PCDH1: variants seen among roughly 807,000 people sequenced by gnomAD.
PCDH1 encodes protocadherin 1, also known as protocadherin-1.
In PCDH1, 23 loss-of-function variants were observed where a neutral mutation model predicts 74.6. The ratio of observed to expected loss-of-function variants is 0.31; its 90% CI spans 0.22 to 0.44. The LOEUF (loss-of-function observed/expected upper bound fraction) is 0.44. Among genes scored for constraint, PCDH1 ranks in the 20% least tolerant of loss-of-function variants. The pLI is 1.00. For missense variants in PCDH1, 1,214 were observed against 1,641.4 expected (o/e 0.74, Z 4.50); for synonymous variants, 647 against 686.1 (o/e 0.94, Z 0.89).
intron 3 of PCDH1, among the ~76,000 whole-genome samples, chr5:141,858,428 AG>A (rs1453673295): frequency 6.6e-6 from 1 of 152,202 alleles, no homozygotes; most frequent in African/African-American, 2.4e-5. Context: ...CTGGTCTCAA[AG>A]GGAGACTCCT....
In PCDH1 at chr5:141,857,512, C is replaced by T. The variant is rs772509065; in HGVS notation, c.3100-41G>A. ...TTGTCACTACTGACCAGCCAGCTTG[C>T]CCACAGGGCCCACCACCATACCAGG... On this transcript the variant is annotated intron_variant, in intron 3 of 4. Coordinates refer to ENST00000287008, the MANE Select transcript of PCDH1 (RefSeq NM_032420.5). 18 of 1,542,520 alleles carry T rather than the reference C, an allele frequency of 1.2e-5. No homozygotes were observed. The Admixed American group carries it at 2.9e-4, about 25-fold the overall frequency.
Position 141,868,673 on chromosome 5 carries a change from G to A in PCDH1, c.799C>T (p.Arg267Cys), listed in dbSNP as rs139217153. ...SPPRASSALL[R>C]VTVLDTNDNA... Reference sequence around the variant, plus strand: ...TCATTGGTGTCAAGCACGGTGACACGCAGCAGGGCACTGCTGGCGCGTGGG... The same window carrying A: ...TCATTGGTGTCAAGCACGGTGACACACAGCAGGGCACTGCTGGCGCGTGGG... Residue 267 changes from arginine to cysteine, a missense_variant, in exon 2 of 5, where the codon CGT (arginine) becomes TGT (cysteine). This residue lies in a region of PCDH1 where 836 missense variants were observed against 1,182.2 expected (regional missense o/e 0.71). Transcript: ENST00000287008. This position sits in a 1 kb window ranked among gnomAD's most constrained non-coding sequence, Gnocchi z 4.8. The A allele has an allele frequency of 1.2e-6, 2 of 1,611,452 alleles. No homozygotes were observed. Among genetic ancestry groups the A allele is most frequent in the Non-Finnish European group, 1.7e-6 (2 of 1,178,392 alleles).
In PCDH1 at chr5:141,865,008, C is replaced by G; in HGVS notation, c.1323G>C (p.Gln441His). ...TCVVAGDVPF[Q>H]LRQASETGSD... ...TGCCTGTCTCACTGGCCTGGCGCAG[C>G]TGGAAGGGCACATCACCTGCCACCA... The change falls in exon 3 of 5, where the codon CAG becomes CAC. Residue 441 changes from glutamine to histidine, a missense_variant. Gln to His is a conservative substitution (Grantham distance 24, BLOSUM62 0). Coordinates refer to ENST00000287008, the MANE Select transcript of PCDH1 (RefSeq NM_032420.5). This position sits in a 1 kb window ranked among gnomAD's most constrained non-coding sequence, Gnocchi z 4.4. 1 of 1,614,120 alleles carries G rather than the reference C, an allele frequency of 6.2e-7. No homozygotes were observed. Among genetic ancestry groups the G allele is most frequent in the Non-Finnish European group, 8.5e-7 (1 of 1,180,024 alleles).
intron 4 of PCDH1, 122 bp from the exon 5 acceptor site, chr5:141,854,558 C>T (rs199734340): frequency 1.4e-4 from 142 of 1,004,758 alleles, no homozygotes; most frequent in East Asian, 1.4e-3. Flanking sequence ...CCTTCCTGAC[C>T]GCTGAACTCA....
chr5:141,861,218 C>CAAG, intron 3 of PCDH1, among the ~76,000 whole-genome samples: 2 of 151,466 alleles, frequency 1.3e-5, no homozygotes, highest in South Asian at 4.2e-4. Context: ...TCATTCGACT[C>CAAG]AAGACACTCA....
intron 1 of PCDH1, among the ~76,000 whole-genome samples, chr5:141,874,081 T>C (rs988830307): frequency 2.6e-5 from 4 of 152,210 alleles, no homozygotes; most frequent in African/African-American, 9.7e-5. Flanking sequence ...ATTCCTGTTA[T>C]GTCACACCCG....
intron 1 of PCDH1, among the ~76,000 whole-genome samples, chr5:141,872,839 A>T (rs908721997): frequency 6.6e-6 from 1 of 152,194 alleles, no homozygotes; most frequent in African/African-American, 2.4e-5. Flanking sequence ...CAAGGAAGGT[A>T]TGGGATGGCG....
At chr5:141,873,661 T>C (rs945313921) in intron 1 of PCDH1, among the ~76,000 whole-genome samples, 2 of 150,414 alleles carry the variant, frequency 1.3e-5, no homozygotes, top group African/African-American at 4.9e-5. Flanking sequence ...GGTTTCACCG[T>C]GTTAGCCAGG....
intron 1 of PCDH1, among the ~76,000 whole-genome samples, chr5:141,870,444 C>T (rs896790977): frequency 2.0e-5 from 3 of 152,164 alleles, no homozygotes; most frequent in Non-Finnish European, 2.9e-5. Flanking sequence ...TGGGAGCTGC[C>T]CTGGCCTGTC....
chr5:141,875,374 C>G (rs1753196305), intron 1 of PCDH1, among the ~76,000 whole-genome samples: 1 of 152,062 alleles, frequency 6.6e-6, no homozygotes, highest in Non-Finnish European at 1.5e-5. Flanking sequence ...CACCATGGAC[C>G]CTGGCAGATA....
Position 141,857,253 on chromosome 5 carries a change from A to T in PCDH1, c.3318T>A (p.Asn1106Lys). 1 of 1,568,488 alleles carries T rather than the reference A, an allele frequency of 6.4e-7. No homozygotes were observed. The highest frequency in any genetic ancestry group is 8.6e-7 in the Non-Finnish European group (1 of 1,158,984). ...CCTGACCATGGTGCTGCGCCTCACCATTCTCGGGGTGCTCCATCTCTCCTA... is the reference window on the plus strand; with the variant it reads ...CCTGACCATGGTGCTGCGCCTCACCTTTCTCGGGGTGCTCCATCTCTCCTA... ...GSIGEMEHPE[N>K]DLRPLPDVAM... Residue 1106 changes from asparagine to lysine, a missense_variant and splice_region_variant, in exon 4 of 5, where the codon AAT becomes AAA. Around this residue, in one of 4 missense-constraint regions of PCDH1, gnomAD observed 194 missense variants for 198.3 expected, o/e 0.98. Coordinates refer to ENST00000287008, the MANE Select transcript of PCDH1 (RefSeq NM_032420.5).
chr5:141,871,429 G>A lies in PCDH1; in HGVS notation c.41-1998C>T, dbSNP rs182053441. Among the ~76,000 whole-genome samples the A allele has an allele frequency of 2.8e-3, 429 of 152,354 alleles. 5 individuals carry two copies. Among genetic ancestry groups the A allele is most frequent in the African/African-American group, 9.6e-3 (398 of 41,592 alleles). Reference sequence around the variant, plus strand: ...GGCGAATGTAAGGCAGCAGGGTGGAGAAGAGCGAGGGTTGTGGCATTAGAC... The same window carrying A: ...GGCGAATGTAAGGCAGCAGGGTGGAAAAGAGCGAGGGTTGTGGCATTAGAC... On this transcript the variant is annotated intron_variant, in intron 1 of 4. Coordinates refer to ENST00000287008, the MANE Select transcript of PCDH1 (RefSeq NM_032420.5).
At position 141,869,365 on chromosome 5, in the gene PCDH1, C is replaced by A. The variant is rs538908747; in HGVS notation, c.107G>T (p.Arg36Leu). The A allele has an allele frequency of 5.6e-6, 9 of 1,596,922 alleles. No homozygotes were observed. In the African/African-American group the frequency reaches 1.1e-4, roughly 19 times the overall value. ...LRHSPGPGGQ[R>L]LLLPSMLLAL... ...TAGCAGCATGGAGGGCAGCAGTAGCCGTTGCCCCCCAGGGCCTGGGCTGTG... is the reference window on the plus strand; with the variant it reads ...TAGCAGCATGGAGGGCAGCAGTAGCAGTTGCCCCCCAGGGCCTGGGCTGTG... Residue 36 changes from arginine to leucine, a missense_variant, in exon 2 of 5, where the codon CGG becomes CTG. Physicochemically the swap from Arg to Leu is moderately radical, Grantham distance 102. Coordinates refer to ENST00000287008, the MANE Select transcript of PCDH1 (RefSeq NM_032420.5). The surrounding 1 kb of genome is among the most constrained non-coding windows in gnomAD (Gnocchi z 4.9).
chr5:141,877,844 G>C (rs949523409), intron 1 of PCDH1, among the ~76,000 whole-genome samples: 4 of 152,188 alleles, frequency 2.6e-5, no homozygotes, highest in South Asian at 2.1e-4. Flanking sequence ...AACGGTCCTT[G>C]CTTGCTCCGT....
intron 2 of PCDH1, among the ~76,000 whole-genome samples, chr5:141,866,441 G>A (rs566633453): frequency 1.3e-5 from 2 of 152,362 alleles, no homozygotes; most frequent in South Asian, 4.1e-4. Flanking sequence ...ATGGGGAAGA[G>A]GACCCAGGTG....
In PCDH1 at chr5:141,864,294, G is replaced by T. The variant is rs950435382; in HGVS notation, c.2037C>A (p.Ser679Arg). 3.1e-6 allele frequency: 5 copies of T among 1,613,904 alleles called. No homozygotes were observed. The highest frequency in any genetic ancestry group is 4.2e-6 in the Non-Finnish European group (5 of 1,179,924). ...CTGCCTTCAGCTGGAAGGTGTAGGTGCTTTGTTGCTCTCGATCAAAGCTCA... is the reference window on the plus strand; with the variant it reads ...CTGCCTTCAGCTGGAAGGTGTAGGTTCTTTGTTGCTCTCGATCAAAGCTCA... ...SSLSFDREQQ[S>R]TYTFQLKAVD... Residue 679 changes from serine to arginine, a missense_variant, in exon 3 of 5, where the codon AGC becomes AGA. This residue lies in a region of PCDH1 where 836 missense variants were observed against 1,182.2 expected (regional missense o/e 0.71). Transcript: ENST00000287008. This position sits in a 1 kb window ranked among gnomAD's most constrained non-coding sequence, Gnocchi z 5.9.
chr5:141,877,975 G>T (rs1753282864), intron 1 of PCDH1, among the ~76,000 whole-genome samples: 1 of 152,134 alleles, frequency 6.6e-6, no homozygotes, highest in Non-Finnish European at 1.5e-5. Context: ...TTGGGACGCG[G>T]GGACTAGGGT....
In PCDH1 at chr5:141,864,933, G is replaced by A. The variant is rs191191031; in HGVS notation, c.1398C>T (p.Tyr466=). ...YFLQTTTPLD[Y]EKVKDYTIEI... ...CAATGGTGTAGTCTTTGACCTTCTCGTAGTCTAGCGGGGTGGTAGTCTGCA... is the reference window on the plus strand; with the variant it reads ...CAATGGTGTAGTCTTTGACCTTCTCATAGTCTAGCGGGGTGGTAGTCTGCA... Residue 466 remains tyrosine (Y), a synonymous_variant, in exon 3 of 5, where the codon TAC becomes TAT. Transcript: ENST00000287008. The surrounding 1 kb of genome is among the most constrained non-coding windows in gnomAD (Gnocchi z 5.9). The A allele has an allele frequency of 1.1e-5, 18 of 1,614,140 alleles. No homozygotes were observed. Among genetic ancestry groups the A allele is most frequent in the Middle Eastern group, 1.7e-4 (1 of 6,060 alleles).
chr5:141,863,123 G>C lies in PCDH1; in HGVS notation c.3099+109C>G. 7.0e-7 allele frequency: 1 copy of C among 1,424,508 alleles called. No individual in the cohort carries two copies. The highest frequency in any genetic ancestry group is 9.2e-7 in the Non-Finnish European group (1 of 1,084,788). The allele number at this position is 1,424,508 out of a possible 1,614,324, so 88.2% of individuals were successfully genotyped here. A position where few individuals can be genotyped will look rare whatever the true frequency, so the allele number is the denominator to read the frequency against. ...GCTGGCTCAGGCTGGCCCCCAACAC[G>C]GGCAGGCACAGTAAACCTGCTCCAT... On this transcript the variant is annotated intron_variant, in intron 3 of 4. Coordinates refer to ENST00000287008, the MANE Select transcript of PCDH1 (RefSeq NM_032420.5). This position sits in a 1 kb window ranked among gnomAD's most constrained non-coding sequence, Gnocchi z 7.5.
Sources: allele counts gnomAD v4.1 joint callset (sites outside exome capture counted in the v4.1 genomes callset), GRCh38; gene constraint gnomAD v4.1.1; regional missense constraint gnomAD v4.1.1; non-coding constraint Gnocchi (gnomAD v3.1); transcripts MANE v1.5; gene names NCBI Gene and HGNC (gene_info 2026-07-23, HGNC 2026-07-21).